TNRC6A: variants seen among roughly 807,000 people sequenced by gnomAD.
TNRC6A encodes the protein trinucleotide repeat-containing gene 6A protein.
A neutral mutation model predicts 221.2 loss-of-function variants in TNRC6A; 44 were observed. The ratio of observed to expected loss-of-function variants is 0.20; its 90% CI spans 0.16 to 0.26. TNRC6A has a LOEUF of 0.26. Among genes scored for constraint, TNRC6A ranks in the 10% least tolerant of loss-of-function variants. TNRC6A has a pLI of 1.00. For missense variants in TNRC6A, 2,199 were observed against 2,404.4 expected (o/e 0.91, Z 1.79); for synonymous variants, 847 against 838.5 (o/e 1.01, Z -0.18).
chr16:24,639,120 CTTAAAG>C (rs1901793210), intron 1 of TNRC6A, among the ~76,000 whole-genome samples: 2 of 152,248 alleles, frequency 1.3e-5, no homozygotes, highest in East Asian at 1.9e-4. Flanking sequence ...TACTTTGACT[CTTAAAG>C]TTAAGAGAGG....
intron 2 of TNRC6A, among the ~76,000 whole-genome samples, chr16:24,672,364 G>A (rs2055322330): frequency 6.6e-6 from 1 of 152,038 alleles, no homozygotes; most frequent in Non-Finnish European, 1.5e-5. Flanking sequence ...TCCTGACCTC[G>A]TGATCCGCCC....
chr16:24,745,986 A>G (rs1202426388), intron 2 of TNRC6A, among the ~76,000 whole-genome samples: 9 of 151,778 alleles, frequency 5.9e-5, no homozygotes, highest in African/African-American at 1.9e-4. Context: ...CCCTTTTTCA[A>G]TTCCAGTCAG....
chr16:24,689,989 TA>T (rs60944175), intron 2 of TNRC6A, among the ~76,000 whole-genome samples: 69 of 97,498 alleles, frequency 7.1e-4, no homozygotes, highest in Middle Eastern at 7.5e-3. Context: ...AGGCTTAAAG[TA>T]AAAAAAAAAA....
chr16:24,717,770 C>CTTTT (rs71383705), intron 2 of TNRC6A, among the ~76,000 whole-genome samples: 7 of 107,364 alleles, frequency 6.5e-5, no homozygotes, highest in Non-Finnish European at 9.3e-5. Flanking sequence ...TTTTTTTTTT[C>CTTTT]TTTTTTTTTT....
At chr16:24,714,032 G>C (rs1308099033) in intron 2 of TNRC6A, among the ~76,000 whole-genome samples, 1 of 152,122 alleles carries the variant, frequency 6.6e-6, no homozygotes, top group African/African-American at 2.4e-5. Context: ...TGTCTGTTTG[G>C]GGCTTGCTGA....
intron 18 of TNRC6A, among the ~76,000 whole-genome samples, chr16:24,811,033 G>A (rs901737830): frequency 1.3e-5 from 2 of 152,112 alleles, no homozygotes; most frequent in South Asian, 2.1e-4. Flanking sequence ...GACCCGAGTC[G>A]CAGGCAGAAA....
intron 22 of TNRC6A, 79 bp downstream of exon 22, chr16:24,820,439 G>A: frequency 7.8e-7 from 1 of 1,287,732 alleles, no homozygotes; most frequent in Non-Finnish European, 1.1e-6. Context: ...GTTTAACAGA[G>A]ACCTGAACGG....
chr16:24,678,474 A>G (rs2055464466), intron 2 of TNRC6A, among the ~76,000 whole-genome samples: 1 of 152,196 alleles, frequency 6.6e-6, no homozygotes, highest in Admixed American at 6.6e-5. Flanking sequence ...CCACCTGGCA[A>G]GGATCTGAAG....
intron 2 of TNRC6A, among the ~76,000 whole-genome samples, chr16:24,650,622 G>GGCA (rs1902588951): frequency 6.6e-6 from 1 of 151,296 alleles, no homozygotes; most frequent in African/African-American, 2.4e-5. Flanking sequence ...CCAAGATTAT[G>GGCA]CCACTATACT....
At chr16:24,686,534 ACTTC>A (rs1405844850) in intron 2 of TNRC6A, among the ~76,000 whole-genome samples, 1 of 152,160 alleles carries the variant, frequency 6.6e-6, no homozygotes. Flanking sequence ...GCGTCTGGGC[ACTTC>A]ATAAATAATT....
chr16:24,634,307 G>A lies in TNRC6A; in HGVS notation n.277-6577G>A, dbSNP rs552055559. Among the ~76,000 whole-genome samples the A allele has an allele frequency of 6.4e-4, 98 of 152,162 alleles. 1 individual carries two copies. Among genetic ancestry groups the A allele is most frequent in the African/African-American group, 1.3e-3 (54 of 41,522 alleles). ...TAGCCAGGCATGGTGGTGCATGCCC[G>A]TAGTCCCAGCTACTTGGGAGGCTGA... is the stretch of plus-strand genomic sequence containing the variant. On this transcript the variant is annotated intron_variant and non_coding_transcript_variant, in intron 1 of 2. Transcript: ENST00000566108.
intron 2 of TNRC6A, among the ~76,000 whole-genome samples, chr16:24,732,735 G>A (rs148476301): frequency 1.9e-4 from 29 of 152,262 alleles, no homozygotes; most frequent in African/African-American, 7.0e-4. Flanking sequence ...GTTGTTCTGT[G>A]CATCACAGGA....
intron 1 of TNRC6A, among the ~76,000 whole-genome samples, chr16:24,626,260 T>C (rs1386029162): frequency 6.6e-6 from 1 of 152,132 alleles, no homozygotes; most frequent in African/African-American, 2.4e-5. Flanking sequence ...AATCTAGTGG[T>C]CACTCTTGGT....
intron 2 of TNRC6A, among the ~76,000 whole-genome samples, chr16:24,706,779 A>C (rs2056102049): frequency 6.6e-6 from 1 of 151,838 alleles, no homozygotes; most frequent in Non-Finnish European, 1.5e-5. Context: ...AAATAGACCC[A>C]AATACATTTG....
intron 2 of TNRC6A, 94 bp from the exon 3 acceptor site, chr16:24,750,632 A>C (rs1002166846): frequency 7.4e-7 from 1 of 1,346,428 alleles, no homozygotes; most frequent in Non-Finnish European, 9.7e-7. Flanking sequence ...CATGTCTTCT[A>C]ATAAGAGTGA....
chr16:24,643,423 C>T (rs766364521), intron 2 of TNRC6A, among the ~76,000 whole-genome samples: 2 of 151,960 alleles, frequency 1.3e-5, no homozygotes, highest in Non-Finnish European at 2.9e-5. Flanking sequence ...AGGGTCCTAA[C>T]CTATGTCTTA....
At chr16:24,713,610 A>AT in intron 2 of TNRC6A, among the ~76,000 whole-genome samples, 1 of 150,908 alleles carries the variant, frequency 6.6e-6, no homozygotes, top group Non-Finnish European at 1.5e-5. Flanking sequence ...TACTTTTAAG[A>AT]TTTTCTCTTA....
chr16:24,649,589 A>G (rs1485003314), intron 2 of TNRC6A, among the ~76,000 whole-genome samples: 1 of 151,984 alleles, frequency 6.6e-6, no homozygotes, highest in East Asian at 1.9e-4. Context: ...GATTACAGGC[A>G]TGAGCCACTT....
In TNRC6A at chr16:24,703,196, TC is replaced by T. The variant is rs147300245; in HGVS notation, n.403-47529del. The stretch of plus-strand genomic sequence containing the variant: ...CCACATTCTTTAACTATCACCCCCA[TC>T]TCCTGATCACTCACTCCCGGCCCCC... On this transcript the variant is annotated intron_variant and non_coding_transcript_variant, in intron 2 of 2. Coordinates refer to the TNRC6A transcript ENST00000566108. Among the ~76,000 whole-genome samples, 1,351 of 152,062 alleles carry T rather than the reference TC, an allele frequency of 8.9e-3. 27 individuals carry two copies. The highest frequency in any genetic ancestry group is 0.031 in the African/African-American group (1,286 of 41,474).
Sources: allele counts gnomAD v4.1 joint callset (sites outside exome capture counted in the v4.1 genomes callset), GRCh38; gene constraint gnomAD v4.1.1; transcripts MANE v1.5; gene names NCBI Gene and HGNC (gene_info 2026-07-23, HGNC 2026-07-21).